SCOC: variants seen among roughly 807,000 people sequenced by gnomAD.
SCOC encodes short coiled-coil protein, also known as short coiled coil protein.
In SCOC, 7 loss-of-function variants were observed where a neutral mutation model predicts 9.9. The observed-to-expected ratio is 0.71, with a 90% confidence interval of 0.40 to 1.33. The LOEUF (loss-of-function observed/expected upper bound fraction) is 1.33. Among genes scored for constraint, SCOC ranks in the 40% most tolerant of loss-of-function variants. The pLI is 0.01. For missense variants in SCOC, 66 were observed against 89.7 expected, an observed-to-expected ratio of 0.74 and a Z score of 1.07; for synonymous variants, 19 against 28.2, an observed-to-expected ratio of 0.67 and a Z score of 1.03.
chr4:140,365,570 A>T (rs978498602), intron 2 of SCOC, among the ~76,000 whole-genome samples: 4 of 152,224 alleles, frequency 2.6e-5, no homozygotes, highest in Non-Finnish European at 5.9e-5. Flanking sequence ...GTATTTTCAT[A>T]AAGTTTCACT....
chr4:140,271,936 G>A (rs1730854091), intron 1 of SCOC, among the ~76,000 whole-genome samples: 2 of 152,188 alleles, frequency 1.3e-5, no homozygotes, highest in South Asian at 2.1e-4. Flanking sequence ...ACGGGCGCCT[G>A]TCTGTGTGGT....
At chr4:140,327,582 A>G (rs1321094256) in intron 1 of SCOC, among the ~76,000 whole-genome samples, 1 of 152,164 alleles carries the variant, frequency 6.6e-6, no homozygotes, top group African/African-American at 2.4e-5. Context: ...TGATCCCAGG[A>G]GGTAAAGGGC....
intron 1 of SCOC, 103 bp downstream of exon 1, chr4:140,373,820 C>T: frequency 7.8e-7 from 1 of 1,288,542 alleles, no homozygotes; most frequent in Non-Finnish European, 1.1e-6. Context: ...GGACGCGGCC[C>T]TGCGCACCGG....
rs1437542167 is a variant in SCOC, at chr4:140,379,195, A to G, written c.22+3A>G. 3 of 1,593,204 alleles carry G rather than the reference A, an allele frequency of 1.9e-6. No homozygotes were observed. Among genetic ancestry groups the G allele is most frequent in the South Asian group, 1.1e-5 (1 of 90,630 alleles). On this transcript the variant is annotated splice_donor_region_variant and intron_variant, in intron 2 of 3. Coordinates refer to ENST00000608372, the MANE Select transcript of SCOC (RefSeq NM_001153484.2). ...GATGATGAATGCTGACATGGATGGT[A>G]TGTTCTTCATTTTCTTTTTTGTATA...
intron 1 of SCOC, among the ~76,000 whole-genome samples, chr4:140,321,222 C>G (rs1732491719): frequency 6.6e-6 from 1 of 152,054 alleles, no homozygotes; most frequent in Non-Finnish European, 1.5e-5. Flanking sequence ...ATGCTCAGTT[C>G]CAAGCATAAA....
intron 1 of SCOC, among the ~76,000 whole-genome samples, chr4:140,333,764 C>T (rs1210962590): frequency 4.6e-5 from 7 of 152,162 alleles, no homozygotes; most frequent in Non-Finnish European, 4.4e-5. Flanking sequence ...TGAAATCTGA[C>T]ATCTTGTTGC....
intron 1 of SCOC, among the ~76,000 whole-genome samples, chr4:140,335,943 T>A (rs1732945389): frequency 6.6e-6 from 1 of 152,186 alleles, no homozygotes; most frequent in Admixed American, 6.5e-5. Flanking sequence ...ATATTCATAT[T>A]GACCTCAGTG....
intron 1 of SCOC, among the ~76,000 whole-genome samples, chr4:140,334,904 C>G (rs993000949): frequency 3.3e-5 from 5 of 151,940 alleles, no homozygotes; most frequent in African/African-American, 1.2e-4. Flanking sequence ...GAGTTCAAGA[C>G]CAGCCTGGGC....
intron 1 of SCOC, among the ~76,000 whole-genome samples, chr4:140,311,303 T>C (rs764441875): frequency 3.3e-5 from 5 of 152,218 alleles, no homozygotes; most frequent in African/African-American, 4.8e-5. Context: ...CAGTAGCACT[T>C]GTGAAACTGT....
intron 2 of SCOC, chr4:140,366,438 G>T (rs1727800825): frequency 1.4e-6 from 2 of 1,479,252 alleles, no homozygotes; most frequent in Non-Finnish European, 1.9e-6. Context: ...TTCGCAGCAG[G>T]TGCTTTTTTG....
At chr4:140,359,501 G>A (rs1329803731) in intron 2 of SCOC, among the ~76,000 whole-genome samples, 1 of 152,118 alleles carries the variant, frequency 6.6e-6, no homozygotes, top group Non-Finnish European at 1.5e-5. Context: ...CTGGGTGGAA[G>A]CAGTCCCAAG....
chr4:140,371,878 T>C (rs1291194835), upstream of SCOC, among the ~76,000 whole-genome samples: 2 of 152,158 alleles, frequency 1.3e-5, no homozygotes. Flanking sequence ...CACTGATAGA[T>C]GAATAAACAA....
intron 2 of SCOC, among the ~76,000 whole-genome samples, chr4:140,357,323 C>A (rs569914461): frequency 8.5e-5 from 13 of 152,168 alleles, no homozygotes; most frequent in Non-Finnish European, 1.9e-4. Context: ...TCTATTCCTA[C>A]TGCCTTGAAT....
chr4:140,317,218 GGGA>G (rs1355535386), intron 1 of SCOC, among the ~76,000 whole-genome samples: 2 of 152,108 alleles, frequency 1.3e-5, no homozygotes, highest in Non-Finnish European at 2.9e-5. Context: ...GTTCTTGTTA[GGGA>G]GGAGACCACC....
At chr4:140,281,199 C>A (rs1270391221) in intron 1 of SCOC, among the ~76,000 whole-genome samples, 1 of 151,474 alleles carries the variant, frequency 6.6e-6, no homozygotes, top group Non-Finnish European at 1.5e-5. Flanking sequence ...GGCGAGGTGG[C>A]ACTCACCTAG....
At chr4:140,327,472 C>A (rs1044560336) in intron 1 of SCOC, among the ~76,000 whole-genome samples, 1 of 152,098 alleles carries the variant, frequency 6.6e-6, no homozygotes. Context: ...GACAATTCAA[C>A]AAGCAATTTA....
intron 1 of SCOC, among the ~76,000 whole-genome samples, chr4:140,287,789 TAAAC>T (rs1385881656): frequency 5.9e-5 from 9 of 152,062 alleles, no homozygotes; most frequent in Non-Finnish European, 1.2e-4. Flanking sequence ...ACCATGCATG[TAAAC>T]ATACATACTC....
intron 2 of SCOC, among the ~76,000 whole-genome samples, chr4:140,349,302 A>G (rs1227814328): frequency 2.0e-5 from 3 of 152,202 alleles, no homozygotes; most frequent in Non-Finnish European, 2.9e-5. Flanking sequence ...AGAAATGCAA[A>G]TAAGTGGAAA....
chr4:140,312,999 T>C (rs141119196), intron 1 of SCOC, among the ~76,000 whole-genome samples: 1,648 of 152,290 alleles, frequency 0.011, 12 homozygotes, highest in African/African-American at 0.024. Flanking sequence ...ACATTTTACA[T>C]GTTAACTGAG....
Sources: allele counts gnomAD v4.1 joint callset (sites outside exome capture counted in the v4.1 genomes callset), GRCh38; gene constraint gnomAD v4.1.1; transcripts MANE v1.5; gene names NCBI Gene and HGNC (gene_info 2026-07-23, HGNC 2026-07-21).